Variants in ZNF724 observed in about 807,000 individuals in gnomAD.
ZNF724 encodes zinc finger protein 724, also known as zinc finger protein 724 pseudogene.
In ZNF724, 14 loss-of-function variants were observed where a neutral mutation model predicts 29.3. The observed-to-expected ratio is 0.48, with a 90% CI of 0.32 to 0.75. The LOEUF (loss-of-function observed/expected upper bound fraction) is 0.75. ZNF724 is among the 30% of genes least tolerant of loss of function. The pLI, the probability that ZNF724 is intolerant of heterozygous loss-of-function variation, is 0.04. For synonymous variants in ZNF724, 180 were observed against 193.6 expected (o/e 0.93, Z 0.58); for missense variants, 557 against 571.2 (o/e 0.98, Z 0.25).
rs1346330996 is a variant in ZNF724, at chr19:23,250,236, T to C, written c.3+4A>G. The C allele has an allele frequency of 2.9e-6, 2 of 685,964 alleles. No individual in the cohort carries two copies. The highest frequency in any genetic ancestry group is 2.9e-4 in the Middle Eastern group (1 of 3,496). The allele number at this position is 685,964 out of a possible 1,614,324, so 42.5% of individuals were successfully genotyped here. A position where few individuals can be genotyped will look rare whatever the true frequency, so the allele number is the denominator to read the frequency against. The stretch of plus-strand genomic sequence containing the variant: ...TCTCCGGATGTCGGAGCCGCCACTC[T>C]CACCATTTCTAGGCTTCCAGGGGAG... On this transcript the variant is annotated splice_donor_region_variant and intron_variant, in intron 1 of 3. Transcript: ENST00000418100.
intron 1 of ZNF724, among the ~76,000 whole-genome samples, chr19:23,247,961 T>C (rs1040436001): frequency 1.3e-5 from 2 of 152,146 alleles, no homozygotes; most frequent in African/African-American, 4.8e-5. Context: ...ATATTAACTC[T>C]AGCAGATAGA....
intron 3 of ZNF724, among the ~76,000 whole-genome samples, 157 bp from the exon 4 acceptor site, chr19:23,224,175 G>A (rs1026842875): frequency 1.3e-5 from 2 of 152,142 alleles, no homozygotes; most frequent in Non-Finnish European, 2.9e-5. Context: ...ACGTTGAAAG[G>A]CTGAGATGGG....
intron 1 of ZNF724, among the ~76,000 whole-genome samples, chr19:23,243,051 AAAAAAAAG>A (rs916349431): frequency 2.8e-5 from 4 of 144,918 alleles, no homozygotes; most frequent in African/African-American, 7.4e-5. Context: ...AAAAAAAAAA[AAAAAAAAG>A]AAAGAAAGAA....
chr19:23,234,197 C>A lies in ZNF724; in HGVS notation c.4-1904G>T, dbSNP rs145243327. Among the ~76,000 whole-genome samples the A allele has an allele frequency of 6.6e-5, 10 of 152,216 alleles. No individual in the cohort carries two copies. The East Asian group carries it at 1.9e-3, about 29-fold the overall frequency. On this transcript the variant is annotated intron_variant, in intron 1 of 3. Coordinates refer to ENST00000418100, the MANE Select transcript of ZNF724 (RefSeq NM_001355404.2). Reference sequence around the variant, plus strand: ...TAACTCTCATGAATGTATCTTGAACCCCTCATAGTTGATTCTGGCCTTACC... The same window carrying A: ...TAACTCTCATGAATGTATCTTGAACACCTCATAGTTGATTCTGGCCTTACC...
chr19:23,235,875 T>C (rs1972015029), intron 1 of ZNF724, among the ~76,000 whole-genome samples: 3 of 152,170 alleles, frequency 2.0e-5, no homozygotes. Flanking sequence ...ACTGTTTCAT[T>C]ACACAATTAA....
chr19:23,232,308 C>T lies in ZNF724; in HGVS notation c.4-15G>A. On this transcript the variant is annotated splice_polypyrimidine_tract_variant and intron_variant, in intron 1 of 3. Transcript: ENST00000418100. ...GTCAATGGTCCCTGAAAAGTACACA[C>T]ACACATATTTACGAAGTGGCCATGG... The T allele has an allele frequency of 8.4e-7, 1 of 1,192,124 alleles. No individual in the cohort carries two copies. Among genetic ancestry groups the T allele is most frequent in the Non-Finnish European group, 1.2e-6 (1 of 805,454 alleles). 73.8% of individuals were successfully genotyped at this position (1,192,124 alleles called of 1,614,324 possible). A position where few individuals can be genotyped will look rare whatever the true frequency, so the allele number is the denominator to read the frequency against.
chr19:23,225,737 A>G (rs1971815715), intron 3 of ZNF724, among the ~76,000 whole-genome samples: 1 of 152,220 alleles, frequency 6.6e-6, no homozygotes, highest in Non-Finnish European at 1.5e-5. Flanking sequence ...ATATGTTATA[A>G]AGAGTCACAC....
At chr19:23,248,964 C>T (rs1182608862) in intron 1 of ZNF724, among the ~76,000 whole-genome samples, 2 of 151,772 alleles carry the variant, frequency 1.3e-5, no homozygotes, top group Non-Finnish European at 1.5e-5. Flanking sequence ...CCAGCTTGGG[C>T]GTCAGTGCAG....
chr19:23,233,273 T>C (rs1365744827), intron 1 of ZNF724, among the ~76,000 whole-genome samples: 1 of 152,238 alleles, frequency 6.6e-6, no homozygotes, highest in African/African-American at 2.4e-5. Context: ...CTGTAATTTT[T>C]AATAGTGATT....
At chr19:23,246,118 G>A (rs1008540651) in intron 1 of ZNF724, among the ~76,000 whole-genome samples, 3 of 151,984 alleles carry the variant, frequency 2.0e-5, no homozygotes, top group Admixed American at 2.0e-4. Context: ...TACTTTTCCA[G>A]TAAGAGTTAT....
chr19:23,239,143 C>T (rs1438267902), intron 1 of ZNF724, among the ~76,000 whole-genome samples: 2 of 152,118 alleles, frequency 1.3e-5, no homozygotes, highest in Non-Finnish European at 2.9e-5. Context: ...CTACAACACC[C>T]CACAGACACT....
In ZNF724 at chr19:23,222,232, ACT is replaced by A. The variant is rs1468704365; in HGVS notation, c.*151_*152del. ...GAAATATTGAGGTGTTGTCAACTGC[ACT>A]GTTATATCTTTCAGGTTTGTACGGT... On this transcript the variant is annotated 3_prime_UTR_variant, in exon 4 of 4. Transcript: ENST00000418100. The A allele has an allele frequency of 3.4e-6, 2 of 584,166 alleles. No individual in the cohort carries two copies. The highest frequency in any genetic ancestry group is 3.7e-5 in the African/African-American group (2 of 53,690). The allele number at this position is 584,166 out of a possible 1,614,324, so 36.2% of individuals were successfully genotyped here.
At chr19:23,232,113 A>G (rs1971944753) in intron 2 of ZNF724, 54 bp downstream of exon 2, 5 of 1,221,112 alleles carry the variant, frequency 4.1e-6, no homozygotes, top group Non-Finnish European at 4.8e-6. Flanking sequence ...CCTACAAAAA[A>G]ACAAACGAAA....
chr19:23,227,191 A>G (rs921611120), intron 3 of ZNF724, among the ~76,000 whole-genome samples: 12 of 151,910 alleles, frequency 7.9e-5, no homozygotes, highest in Admixed American at 6.6e-5. Context: ...TAAGCATTAT[A>G]AAAACTAGAG....
chr19:23,232,820 C>T (rs113421299), intron 1 of ZNF724, among the ~76,000 whole-genome samples: 303 of 39,374 alleles, frequency 7.7e-3, no homozygotes, highest in South Asian at 0.043. Context: ...ACCTGTTTTT[C>T]CCCCCAGTTT....
chr19:23,224,365 A>G (rs1568338321), intron 3 of ZNF724, among the ~76,000 whole-genome samples: 2 of 152,098 alleles, frequency 1.3e-5, no homozygotes, highest in African/African-American at 4.8e-5. Context: ...GTGAGCTGAT[A>G]TCACACCAAG....
chr19:23,223,527 G>T lies in ZNF724; in HGVS notation c.718C>A (p.His240Asn). ...TGAATTATCTTATGTGTGTTAAGGTGTGAGGACTTGTTAAAGGCTATGCCA... is the reference window on the plus strand; with the variant it reads ...TGAATTATCTTATGTGTGTTAAGGTTTGAGGACTTGTTAAAGGCTATGCCA... Reference protein sequence around the residue: ...ECGIAFNKSSHLNTHKIIHTG... With the variant: ...ECGIAFNKSSNLNTHKIIHTG... Residue 240 changes from histidine to asparagine, a missense_variant, in exon 4 of 4, where the codon CAC becomes AAC. By Grantham distance (68) the His-to-Asn change is moderately conservative. Coordinates refer to ENST00000418100, the MANE Select transcript of ZNF724 (RefSeq NM_001355404.2). 1 of 741,282 alleles carries T rather than the reference G, an allele frequency of 1.3e-6. No homozygotes were observed. Among genetic ancestry groups the T allele is most frequent in the Non-Finnish European group, 2.5e-6 (1 of 399,088 alleles). 45.9% of individuals were successfully genotyped at this position (741,282 alleles called of 1,614,324 possible).
At chr19:23,224,610 T>A (rs368903611) in intron 3 of ZNF724, among the ~76,000 whole-genome samples, 1 of 152,108 alleles carries the variant, frequency 6.6e-6, no homozygotes, top group Non-Finnish European at 1.5e-5. Flanking sequence ...AAGTCTGTTA[T>A]ATTTACCTAA....
intron 1 of ZNF724, among the ~76,000 whole-genome samples, chr19:23,239,280 TCAC>T (rs1200121006): frequency 6.6e-6 from 1 of 152,222 alleles, no homozygotes; most frequent in African/African-American, 2.4e-5. Flanking sequence ...ATTCTTCTCA[TCAC>T]CACGTCACAT....
Sources: gnomAD v4.1 joint callset for allele counts (sites outside exome capture counted in the v4.1 genomes callset) on GRCh38, gnomAD v4.1.1 for gene constraint, MANE v1.5 for transcripts, NCBI Gene and HGNC (gene_info 2026-07-23, HGNC 2026-07-21) for gene names.